Variants in DPP6 observed in about 807,000 individuals in gnomAD.
DPP6 encodes the protein A-type potassium channel modulatory protein DPP6.
In DPP6, 69 loss-of-function variants were observed where a neutral mutation model predicts 122.6. The ratio of observed to expected loss-of-function variants is 0.56; its 90% CI spans 0.46 to 0.69. The LOEUF is 0.69. Among genes scored for constraint, DPP6 ranks in the 30% least tolerant of loss-of-function variants. DPP6 has a pLI of 0.00. For synonymous variants in DPP6, 418 were observed against 433.1 expected (o/e 0.97, Z 0.43); for missense variants, 928 against 1,116.9 (o/e 0.83, Z 2.41).
At chr7:154,581,736 T>C (rs1210238947) in intron 5 of DPP6, among the ~76,000 whole-genome samples, 1 of 152,268 alleles carries the variant, frequency 6.6e-6, no homozygotes, top group African/African-American at 2.4e-5. Flanking sequence ...CAGGGACTTC[T>C]GGCCTGAGAC....
the DPP6 span, among the ~76,000 whole-genome samples, chr7:153,797,729 C>A: frequency 1.3e-5 from 2 of 152,128 alleles, no homozygotes; most frequent in Non-Finnish European, 1.5e-5. Context: ...GATCAAGGTG[C>A]CAGCAGATAT....
At chr7:153,810,576 G>A in the DPP6 span, among the ~76,000 whole-genome samples, 3 of 151,724 alleles carry the variant, frequency 2.0e-5, no homozygotes, top group Admixed American at 6.6e-5. Flanking sequence ...AAAATCAATG[G>A]AAATTTAAAT....
intron 1 of DPP6, among the ~76,000 whole-genome samples, chr7:154,007,439 A>G (rs1797959114): frequency 6.6e-6 from 1 of 152,120 alleles, no homozygotes; most frequent in Non-Finnish European, 1.5e-5. Context: ...GTCATTCAGG[A>G]AAACTCAGGT....
chr7:154,167,755 C>T (rs1288387189), intron 1 of DPP6, among the ~76,000 whole-genome samples: 1 of 152,158 alleles, frequency 6.6e-6, no homozygotes, highest in African/African-American at 2.4e-5. Context: ...AATTTAGTGA[C>T]TTTGTTCATT....
chr7:154,658,946 A>G (rs1442845070), intron 6 of DPP6, among the ~76,000 whole-genome samples: 2 of 152,196 alleles, frequency 1.3e-5, no homozygotes, highest in Non-Finnish European at 2.9e-5. Context: ...GGCATTCGCT[A>G]GTCTGGGCAG....
At chr7:154,850,407 C>CG (rs1287619376) in intron 16 of DPP6, among the ~76,000 whole-genome samples, 1 of 148,986 alleles carries the variant, frequency 6.7e-6, no homozygotes, top group East Asian at 2.0e-4. Flanking sequence ...GGGTTTTTGG[C>CG]GGGGGTGGGG....
the DPP6 span, among the ~76,000 whole-genome samples, chr7:153,820,278 A>G: frequency 3.3e-5 from 5 of 152,232 alleles, no homozygotes; most frequent in African/African-American, 4.8e-5. Flanking sequence ...GGGTAGCAAG[A>G]GATGCTGTGT....
chr7:154,859,176 T>C (rs1367601481), intron 17 of DPP6, among the ~76,000 whole-genome samples: 1 of 152,220 alleles, frequency 6.6e-6, no homozygotes, highest in East Asian at 1.9e-4. Flanking sequence ...TCACCCCTGG[T>C]TTAGATCAGC....
intron 8 of DPP6, among the ~76,000 whole-genome samples, chr7:154,765,986 A>T (rs1189644079): frequency 6.6e-6 from 1 of 152,202 alleles, no homozygotes; most frequent in Non-Finnish European, 1.5e-5. Flanking sequence ...GAATAGGGAC[A>T]TTTGGAATTA....
In DPP6 at chr7:154,426,955, C is replaced by T. The variant is rs574619184; in HGVS notation, c.244-19259C>T. The stretch of plus-strand genomic sequence containing the variant: ...AATAATGTGTAAGAGTTTCTTACCC[C>T]GCCCCCAGGATTACCAATTCCTTTA... On this transcript the variant is annotated intron_variant, in intron 1 of 25. Coordinates refer to ENST00000377770, the MANE Select transcript of DPP6 (RefSeq NM_130797.4). 7.2e-5 allele frequency among the ~76,000 whole-genome samples: 11 copies of T among 152,176 alleles called. No homozygotes were observed. In the East Asian group the frequency reaches 1.5e-3, roughly 21 times the overall value.
At chr7:154,367,070 G>C (rs773848637) in intron 1 of DPP6, among the ~76,000 whole-genome samples, 1 of 152,174 alleles carries the variant, frequency 6.6e-6, no homozygotes, top group Non-Finnish European at 1.5e-5. Context: ...AGGAGGCAAC[G>C]ACGAGCTTTC....
chr7:154,128,435 C>G (rs538646692), intron 1 of DPP6, among the ~76,000 whole-genome samples: 1 of 152,226 alleles, frequency 6.6e-6, no homozygotes, highest in East Asian at 1.9e-4. Context: ...GGAGTCTCGC[C>G]CTATCACCCA....
At chr7:154,124,360 G>A (rs1298562604) in intron 1 of DPP6, among the ~76,000 whole-genome samples, 1 of 152,108 alleles carries the variant, frequency 6.6e-6, no homozygotes, top group Non-Finnish European at 1.5e-5. Context: ...GAGGGTGAGA[G>A]CATGAGAGGG....
At chr7:154,088,045 A>G (rs573472151) in intron 1 of DPP6, among the ~76,000 whole-genome samples, 1 of 152,214 alleles carries the variant, frequency 6.6e-6, no homozygotes, top group African/African-American at 2.4e-5. Flanking sequence ...TATGTCCCTC[A>G]TTGGAATCTA....
At chr7:154,141,764 A>T (rs1182874371) in intron 1 of DPP6, among the ~76,000 whole-genome samples, 1 of 152,224 alleles carries the variant, frequency 6.6e-6, no homozygotes, top group Non-Finnish European at 1.5e-5. Flanking sequence ...AATGACTTAT[A>T]CTTTATGTCC....
Position 154,721,319 on chromosome 7 carries a change from T to C in DPP6, c.763-6448T>C, listed in dbSNP as rs1260077291. 3.3e-5 allele frequency among the ~76,000 whole-genome samples: 5 copies of C among 152,280 alleles called. 1 individual carries two copies. The highest frequency in any genetic ancestry group is 3.3e-4 in the Admixed American group (5 of 15,296). The stretch of plus-strand genomic sequence containing the variant: ...ACTGCCTCGTACAACCTGGTTTCAA[T>C]CCCAGCCGCACCCCTGACCCACCAG... On this transcript the variant is annotated intron_variant, in intron 7 of 25. Transcript: ENST00000377770.
intron 1 of DPP6, among the ~76,000 whole-genome samples, chr7:153,998,424 A>G (rs1394187924): frequency 1.3e-5 from 2 of 152,186 alleles, no homozygotes; most frequent in African/African-American, 4.8e-5. Flanking sequence ...GTTGTAGAAA[A>G]GGATGCTGGG....
At chr7:154,301,572 G>T (rs1805901610) in intron 1 of DPP6, among the ~76,000 whole-genome samples, 2 of 152,086 alleles carry the variant, frequency 1.3e-5, no homozygotes, top group Admixed American at 6.6e-5. Flanking sequence ...AGCTCTAGAT[G>T]ATGGCACCGA....
chr7:154,171,718 G>T (rs1797541607), intron 1 of DPP6, among the ~76,000 whole-genome samples: 2 of 152,092 alleles, frequency 1.3e-5, no homozygotes, highest in Non-Finnish European at 2.9e-5. Context: ...CAGGGTGCTG[G>T]TGCATTCTCC....
Sources: allele counts gnomAD v4.1 joint callset (sites outside exome capture counted in the v4.1 genomes callset), GRCh38; gene constraint gnomAD v4.1.1; transcripts MANE v1.5; gene names NCBI Gene and HGNC (gene_info 2026-07-23, HGNC 2026-07-21).